MAGI2: variants seen among roughly 807,000 people sequenced by gnomAD.
MAGI2 encodes the protein membrane associated guanylate kinase, WW and PDZ domain containing 2, also known as membrane-associated guanylate kinase, WW and PDZ domain-containing protein 2.
MAGI2 carries 35 observed loss-of-function variants against 133.3 expected under a neutral mutation model. The observed-to-expected ratio is 0.26, with a 90% CI of 0.20 to 0.35. The LOEUF (loss-of-function observed/expected upper bound fraction) is 0.35. MAGI2 is among the 10% of genes least tolerant of loss of function. The probability of loss-of-function intolerance (pLI) is 1.00; values close to 1 mark genes in which losing one functional copy is unlikely to be tolerated. For missense variants in MAGI2, 1,636 were observed against 1,863.4 expected (o/e 0.88, Z 2.25); for synonymous variants, 729 against 710.6 (o/e 1.03, Z -0.41).
At chr7:78,271,459 C>T (rs997860547) in intron 9 of MAGI2, among the ~76,000 whole-genome samples, 1 of 152,134 alleles carries the variant, frequency 6.6e-6, no homozygotes, top group Admixed American at 6.5e-5. Flanking sequence ...CAGAATGATG[C>T]TGTCCTCATA....
chr7:78,459,341 T>G (rs1286715532), intron 6 of MAGI2, among the ~76,000 whole-genome samples: 1 of 152,194 alleles, frequency 6.6e-6, no homozygotes, highest in Non-Finnish European at 1.5e-5. Flanking sequence ...CTTTGGTGAG[T>G]AGAGAGTCTT....
At chr7:78,989,350 G>A (rs1362197771) in intron 2 of MAGI2, among the ~76,000 whole-genome samples, 1 of 152,050 alleles carries the variant, frequency 6.6e-6, no homozygotes, top group Non-Finnish European at 1.5e-5. Flanking sequence ...AGTAGGAAAA[G>A]TGCAAGATTC....
intron 1 of MAGI2, among the ~76,000 whole-genome samples, chr7:79,339,119 G>C (rs1298041426): frequency 1.3e-5 from 2 of 152,014 alleles, no homozygotes; most frequent in Non-Finnish European, 2.9e-5. Context: ...GTTATTTTAA[G>C]AGTATCTTCT....
At chr7:78,518,033 C>T (rs1477868873) in intron 4 of MAGI2, 3 of 151,270 alleles carry the variant, frequency 2.0e-5, no homozygotes, top group Non-Finnish European at 4.4e-5. Context: ...CAGATATAAA[C>T]CGAGGAATCA....
Position 78,779,250 on chromosome 7 carries a change from T to C in MAGI2, c.419-152011A>G, listed in dbSNP as rs530741060. Among the ~76,000 whole-genome samples the C allele has an allele frequency of 2.0e-4, 31 of 152,194 alleles. No homozygotes were observed. In the East Asian group the frequency reaches 4.6e-3, roughly 23 times the overall value. On this transcript the variant is annotated intron_variant, in intron 2 of 21. Transcript: ENST00000354212. ...CATTCACCCACCAAACAGCAACTTT[T>C]TTTTTCCCCCAGGCTTGATCATTGT...
chr7:79,423,338 T>C (rs186627142), intron 1 of MAGI2, among the ~76,000 whole-genome samples: 8 of 152,108 alleles, frequency 5.3e-5, no homozygotes, highest in Admixed American at 4.6e-4. Context: ...TGAGAAACAG[T>C]CAGCAATTTG....
intron 1 of MAGI2, among the ~76,000 whole-genome samples, chr7:79,049,854 G>GT (rs1254611606): frequency 7.3e-6 from 1 of 136,926 alleles, no homozygotes; most frequent in Admixed American, 7.2e-5. Context: ...TTATTTTTAT[G>GT]TTTTTTTATT....
At chr7:78,125,569 C>G (rs775218097) in intron 20 of MAGI2, 125 bp downstream of exon 20, 36 of 878,992 alleles carry the variant, frequency 4.1e-5, no homozygotes, top group Middle Eastern at 4.8e-4. Flanking sequence ...ACTGGGTCAT[C>G]ATCAACTAGA....
At chr7:78,220,533 G>T (rs553611503) in intron 10 of MAGI2, among the ~76,000 whole-genome samples, 13 of 152,106 alleles carry the variant, frequency 8.5e-5, no homozygotes, top group Non-Finnish European at 1.6e-4. Context: ...TAAATAACAG[G>T]GCTATTTATC....
At chr7:78,076,180 G>T (rs1585027231) in intron 21 of MAGI2, among the ~76,000 whole-genome samples, 2 of 152,162 alleles carry the variant, frequency 1.3e-5, no homozygotes, top group South Asian at 4.1e-4. Context: ...GCCCAGGCTG[G>T]GTGCGGTGGC....
chr7:79,155,676 T>G (rs1823711233), intron 1 of MAGI2, among the ~76,000 whole-genome samples: 1 of 152,122 alleles, frequency 6.6e-6, no homozygotes, highest in African/African-American at 2.4e-5. Flanking sequence ...GTATAGCATG[T>G]GCAAAGGTCA....
chr7:78,951,050 C>T (rs553521014), intron 2 of MAGI2, among the ~76,000 whole-genome samples: 295 of 150,098 alleles, frequency 2.0e-3, no homozygotes, highest in African/African-American at 6.8e-3. Flanking sequence ...CAGCTAACTG[C>T]ACCTCCCACC....
At chr7:78,826,204 A>T (rs1790619370) in intron 2 of MAGI2, among the ~76,000 whole-genome samples, 1 of 151,926 alleles carries the variant, frequency 6.6e-6, no homozygotes, top group Non-Finnish European at 1.5e-5. Context: ...TACAAAAAAA[A>T]TTAGCCAGGT....
At chr7:78,305,144 C>A (rs1798150037) in intron 9 of MAGI2, among the ~76,000 whole-genome samples, 1 of 152,204 alleles carries the variant, frequency 6.6e-6, no homozygotes, top group Non-Finnish European at 1.5e-5. Flanking sequence ...GCACTATAGA[C>A]AGACTTCACT....
intron 2 of MAGI2, among the ~76,000 whole-genome samples, chr7:79,000,586 G>A (rs1041173942): frequency 6.6e-6 from 1 of 152,120 alleles, no homozygotes; most frequent in African/African-American, 2.4e-5. Flanking sequence ...TTATGAAAAG[G>A]GGATGCTGAC....
chr7:78,294,798 A>G (rs929220351), intron 9 of MAGI2, among the ~76,000 whole-genome samples: 1 of 152,162 alleles, frequency 6.6e-6, no homozygotes, highest in Non-Finnish European at 1.5e-5. Context: ...AGGAACTTAC[A>G]GTCTTTGATT....
In MAGI2 at chr7:78,211,853, T is replaced by G. The variant is rs1787796362; in HGVS notation, c.2048-10660A>C. Among the ~76,000 whole-genome samples, 3 of 152,256 alleles carry G rather than the reference T, an allele frequency of 2.0e-5. No homozygotes were observed. The South Asian group carries it at 6.2e-4, about 31-fold the overall frequency. On this transcript the variant is annotated intron_variant, in intron 10 of 21. Transcript: ENST00000354212. Reference sequence around the variant, plus strand: ...TGCTTTTGAGCTGCCTTATGCTGTATGGACTACGACTTGTTTTGATTTGCT... The same window carrying G: ...TGCTTTTGAGCTGCCTTATGCTGTAGGGACTACGACTTGTTTTGATTTGCT...
intron 6 of MAGI2, among the ~76,000 whole-genome samples, chr7:78,425,208 G>A (rs1242421332): frequency 6.6e-6 from 1 of 152,122 alleles, no homozygotes; most frequent in Middle Eastern, 3.2e-3. Flanking sequence ...AGATCTGATG[G>A]TTTTAAAAAG....
rs567399262 is a variant in MAGI2, at chr7:78,104,504, G to GTA, written c.3567+21189_3567+21190insTA. On this transcript the variant is annotated intron_variant, in intron 20 of 21. Coordinates refer to ENST00000354212, the MANE Select transcript of MAGI2 (RefSeq NM_012301.4). The stretch of plus-strand genomic sequence containing the variant: ...CCCAAAGTGCTGGGATTACAGGCAT[G>GTA]AGCCACCGCGCCCAGCCCGGATTTT... 2.8e-3 allele frequency among the ~76,000 whole-genome samples: 428 copies of GTA among 152,006 alleles called. 2 individuals are homozygous for GTA. The highest frequency in any genetic ancestry group is 0.01 in the Middle Eastern group (3 of 294).
Sources: gnomAD v4.1 joint callset for allele counts (sites outside exome capture counted in the v4.1 genomes callset) on GRCh38, gnomAD v4.1.1 for gene constraint, MANE v1.5 for transcripts, NCBI Gene and HGNC (gene_info 2026-07-23, HGNC 2026-07-21) for gene names.